PNISR: variants seen among roughly 807,000 people sequenced by gnomAD.
The protein encoded by PNISR is PNN interacting serine and arginine rich protein.
In PNISR, 20 loss-of-function variants were observed where a neutral mutation model predicts 93.4. The ratio of observed to expected loss-of-function variants is 0.21; its 90% CI spans 0.15 to 0.31. The LOEUF (loss-of-function observed/expected upper bound fraction) is 0.31. Among genes scored for constraint, PNISR ranks in the 10% least tolerant of loss-of-function variants. The pLI, the probability that PNISR is intolerant of heterozygous loss-of-function variation, is 1.00. For missense variants in PNISR, 893 were observed against 985.4 expected (o/e 0.91, Z 1.25); for synonymous variants, 305 against 306.5 (o/e 0.99, Z 0.05).
intron 11 of PNISR, 23 bp downstream of exon 11, chr6:99,402,492 AAGAAATACAAAACTGGACCAAAATT>A: frequency 7.4e-7 from 1 of 1,343,548 alleles, no homozygotes; most frequent in Non-Finnish European, 1.0e-6. Flanking sequence ...AAAAAATAAA[AAGAAATACAAAACTGGACCAAAATT>A]AAGTCTAAAA....
chr6:99,403,372 C>T (rs896901978), intron 10 of PNISR: 1 of 152,198 alleles, frequency 6.6e-6, no homozygotes, highest in East Asian at 1.9e-4. Context: ...TAAGATAAAC[C>T]CTTTCCTCTA....
chr6:99,425,301 G>C lies in PNISR; in HGVS notation c.-198C>G. The C allele has an allele frequency of 8.1e-7, 1 of 1,232,128 alleles. No individual in the cohort carries two copies. The allele number at this position is 1,232,128 out of a possible 1,614,324, so 76.3% of individuals were successfully genotyped here. A position where few individuals can be genotyped will look rare whatever the true frequency, so the allele number is the denominator to read the frequency against. On this transcript the variant is annotated 5_prime_UTR_variant, in exon 1 of 12. Transcript: ENST00000369239. ...GATGCTTCTACTTCTTCGGGAACAA[G>C]ACAAGATGGCGCCCGATTTGTCTCA... is the stretch of plus-strand genomic sequence containing the variant.
In PNISR at chr6:99,401,273, C is replaced by T. The variant is rs779319903; in HGVS notation, c.1685G>A (p.Arg562Lys). 1 of 1,614,056 alleles carries T rather than the reference C, an allele frequency of 6.2e-7. No individual in the cohort carries two copies. Among genetic ancestry groups the T allele is most frequent in the Non-Finnish European group, 8.5e-7 (1 of 1,179,918 alleles). Residue 562 changes from arginine (R) to lysine (K), a missense_variant, in exon 12 of 12, where the codon AGA becomes AAA. Physicochemically the swap from Arg to Lys is conservative, Grantham distance 26. This residue lies in a region of PNISR where 866 missense variants were observed against 935.1 expected (regional missense o/e 0.93). Coordinates refer to ENST00000369239, the MANE Select transcript of PNISR (RefSeq NM_032870.4). ...ACGTCTAGCTTTGATTGTTGGAGATCTACTCCTACTGTGTCTCTTTTTCCT... is the reference window on the plus strand; with the variant it reads ...ACGTCTAGCTTTGATTGTTGGAGATTTACTCCTACTGTGTCTCTTTTTCCT... ...PKRKKRHSRS[R>K]SPTIKARRSR...
chr6:99,407,289 C>G (rs1002433674), intron 7 of PNISR, among the ~76,000 whole-genome samples: 1 of 146,756 alleles, frequency 6.8e-6, no homozygotes, highest in African/African-American at 2.6e-5. Context: ...AACTGCACTC[C>G]AGCCTGGGCA....
Position 99,419,183 on chromosome 6 carries a change from AAAAAAAAG to A in PNISR, c.-111-2763_-111-2756del, listed in dbSNP as rs1354034163. On this transcript the variant is annotated intron_variant, in intron 1 of 11. Coordinates refer to ENST00000369239, the MANE Select transcript of PNISR (RefSeq NM_032870.4). ...AAAAAAAAAAAAAAAAAAAAAAAAA[AAAAAAAAG>A]GGCAATTTACCATTATGGCATCTTA... Among the ~76,000 whole-genome samples, 213 of 53,294 alleles carry A rather than the reference AAAAAAAAG, an allele frequency of 4.0e-3. 46 individuals carry two copies. Among genetic ancestry groups the A allele is most frequent in the African/African-American group, 1.0e-2 (106 of 10,646 alleles). The allele number at this position is 53,294 out of a possible 152,430, so 35.0% of individuals were successfully genotyped here. A position where few individuals can be genotyped will look rare whatever the true frequency, so the allele number is the denominator to read the frequency against.
intron 11 of PNISR, among the ~76,000 whole-genome samples, chr6:99,402,304 T>G (rs1396104333): frequency 6.6e-6 from 1 of 152,212 alleles, no homozygotes; most frequent in Non-Finnish European, 1.5e-5. Flanking sequence ...AAAAGTCATC[T>G]TTTTCATTTC....
intron 2 of PNISR, chr6:99,415,759 A>G (rs1777602563): frequency 6.6e-6 from 1 of 152,202 alleles, no homozygotes; most frequent in Non-Finnish European, 1.5e-5. Context: ...TAAAAACAAG[A>G]TAAAAGCAAG....
chr6:99,400,456 A>G lies in PNISR; in HGVS notation c.*84T>C. 6.7e-7 allele frequency: 1 copy of G among 1,488,766 alleles called. No homozygotes were observed. Among genetic ancestry groups the G allele is most frequent in the Non-Finnish European group, 8.9e-7 (1 of 1,119,826 alleles). 92.2% of individuals were successfully genotyped at this position (1,488,766 alleles called of 1,614,324 possible). A position where few individuals can be genotyped will look rare whatever the true frequency, so the allele number is the denominator to read the frequency against. On this transcript the variant is annotated 3_prime_UTR_variant, in exon 12 of 12. Transcript: ENST00000369239. ...TCAAGTACCAAACTGAGTTTATTAA[A>G]GAGAGAGAGAAAGGACACTTTCAAC...
intron 3 of PNISR, 39 bp downstream of exon 3, chr6:99,414,533 A>C: frequency 9.2e-7 from 1 of 1,081,334 alleles, no homozygotes; most frequent in Non-Finnish European, 1.4e-6. Flanking sequence ...ATTTCCACAT[A>C]TCCAACCCCG....
chr6:99,425,190 CG>C, intron 1 of PNISR, 24 bp downstream of exon 1: 1 of 1,225,668 alleles, frequency 8.2e-7, no homozygotes, highest in Non-Finnish European at 1.0e-6. Context: ...CAAGTGCCCA[CG>C]TATAATTGTT....
At chr6:99,409,467 C>T (rs760434636) in intron 5 of PNISR, 123 bp from the exon 6 acceptor site, 2 of 765,602 alleles carry the variant, frequency 2.6e-6, no homozygotes, top group Non-Finnish European at 4.1e-6. Flanking sequence ...AATTCCATGG[C>T]TCTAATATCC....
At chr6:99,425,043 G>T (rs1256241838) in intron 1 of PNISR, 172 bp downstream of exon 1, 2 of 400,568 alleles carry the variant, frequency 5.0e-6, no homozygotes, top group Non-Finnish European at 8.7e-6. Flanking sequence ...CGAAAGCAGC[G>T]CTCTGATTTA....
rs1778206585 is a variant in PNISR, at chr6:99,419,191, G to GAAAAAA, written c.-111-2764_-111-2763insTTTTTT. Among the ~76,000 whole-genome samples the GAAAAAA allele has an allele frequency of 7.1e-5, 4 of 56,106 alleles. 1 individual carries two copies. In the East Asian group the frequency reaches 1.9e-3, roughly 26 times the overall value. The allele number at this position is 56,106 out of a possible 152,430, so 36.8% of individuals were successfully genotyped here. The stretch of plus-strand genomic sequence containing the variant: ...AAAAAAAAAAAAAAAAAAAAAAAAA[G>GAAAAAA]GGCAATTTACCATTATGGCATCTTA... On this transcript the variant is annotated intron_variant, in intron 1 of 11. Transcript: ENST00000369239.
At chr6:99,423,499 TA>T (rs1778920142) in intron 1 of PNISR, among the ~76,000 whole-genome samples, 1 of 152,186 alleles carries the variant, frequency 6.6e-6, no homozygotes. Flanking sequence ...TTACAGTGGA[TA>T]AATCTAACAA....
At chr6:99,422,552 A>T (rs1053762219) in intron 1 of PNISR, among the ~76,000 whole-genome samples, 5 of 152,256 alleles carry the variant, frequency 3.3e-5, no homozygotes, top group African/African-American at 9.6e-5. Flanking sequence ...ATACTGAAAT[A>T]CTTGCAGCTT....
At position 99,399,678 on chromosome 6, in the gene PNISR, T is replaced by A. The variant is rs972751461; in HGVS notation, c.*862A>T. 8 of 152,104 alleles carry A rather than the reference T, an allele frequency of 5.3e-5. No homozygotes were observed. The highest frequency in any genetic ancestry group is 1.2e-4 in the Non-Finnish European group (8 of 68,016). The allele number at this position is 152,104 out of a possible 1,614,324, so 9.4% of individuals were successfully genotyped here. Reference sequence around the variant, plus strand: ...CCACACGTTATACACACAGAGAATATATTACTTGAAAATCCCCAAAATAGG... The same window carrying A: ...CCACACGTTATACACACAGAGAATAAATTACTTGAAAATCCCCAAAATAGG... On this transcript the variant is annotated 3_prime_UTR_variant, in exon 12 of 12. Coordinates refer to ENST00000369239, the MANE Select transcript of PNISR (RefSeq NM_032870.4).
intron 3 of PNISR, among the ~76,000 whole-genome samples, 191 bp from the exon 4 acceptor site, chr6:99,412,930 A>AT (rs1777140706): frequency 6.6e-6 from 1 of 152,210 alleles, no homozygotes; most frequent in African/African-American, 2.4e-5. Context: ...CTGAAAGGGT[A>AT]CTTAGCAAAT....
intron 1 of PNISR, among the ~76,000 whole-genome samples, chr6:99,417,955 C>T (rs1210746453): frequency 1.8e-5 from 2 of 113,620 alleles, no homozygotes; most frequent in Non-Finnish European, 3.4e-5. Flanking sequence ...GCGACAAGAG[C>T]GAAACACCAT....
At position 99,400,845 on chromosome 6, in the gene PNISR, T is replaced by C. The variant is rs778744864; in HGVS notation, c.2113A>G (p.Ser705Gly). 1 of 1,607,270 alleles carries C rather than the reference T, an allele frequency of 6.2e-7. No individual in the cohort carries two copies. Among genetic ancestry groups the C allele is most frequent in the South Asian group, 1.1e-5 (1 of 90,158 alleles). The change falls in exon 12 of 12, where the codon AGT becomes GGT. Residue 705 changes from serine (S) to glycine (G), a missense_variant. By Grantham distance (56) the Ser-to-Gly change is moderately conservative. Transcript: ENST00000369239. ...QKREEKDFKF[S>G]SQDDRLKRKR... ...CTTTTTAATCTATCATCCTGACTAC[T>C]GAACTTAAAATCTTTTTCTTCCCTT...
Sources: gnomAD v4.1 joint callset for allele counts (sites outside exome capture counted in the v4.1 genomes callset) on GRCh38, gnomAD v4.1.1 for gene constraint, gnomAD v4.1.1 regional missense constraint, MANE v1.5 for transcripts, NCBI Gene and HGNC (gene_info 2026-07-23, HGNC 2026-07-21) for gene names.